Variants in INTS9 observed in about 807,000 individuals in gnomAD.
The protein encoded by INTS9 is protein related to CPSF subunits of 74 kDa.
In INTS9, 55 loss-of-function variants were observed where a neutral mutation model predicts 79.7. The ratio of observed to expected loss-of-function variants is 0.69; its 90% CI spans 0.56 to 0.86. INTS9 has a LOEUF of 0.86. Ranked by LOEUF, INTS9 falls within the 40% of genes least tolerant of loss-of-function variation. The pLI is 0.00. For synonymous variants in INTS9, 319 were observed against 325.2 expected (o/e 0.98, Z 0.20); for missense variants, 721 against 831.5 (o/e 0.87, Z 1.64).
intron 2 of INTS9, among the ~76,000 whole-genome samples, chr8:28,851,484 C>A (rs1457010143): frequency 6.6e-6 from 1 of 150,750 alleles, no homozygotes; most frequent in Non-Finnish European, 1.5e-5. Flanking sequence ...GTCGCCCAGG[C>A]TGGAGTGCAG....
intron 1 of INTS9, among the ~76,000 whole-genome samples, chr8:28,869,268 C>T (rs1373246860): frequency 6.6e-6 from 1 of 152,150 alleles, no homozygotes; most frequent in Non-Finnish European, 1.5e-5. Flanking sequence ...TGTCGAACTT[C>T]TGGGCTCCAG....
chr8:28,807,775 A>C (rs1384602798), intron 8 of INTS9, among the ~76,000 whole-genome samples: 1 of 152,234 alleles, frequency 6.6e-6, no homozygotes, highest in Non-Finnish European at 1.5e-5. Context: ...TTTAACGAAG[A>C]AACTACAAAA....
chr8:28,844,623 T>C (rs923850889), intron 4 of INTS9, among the ~76,000 whole-genome samples: 1 of 152,038 alleles, frequency 6.6e-6, no homozygotes, highest in Non-Finnish European at 1.5e-5. Flanking sequence ...GTCAGGAGTT[T>C]AAGACCAGCC....
chr8:28,840,435 T>C (rs1370108909), intron 4 of INTS9, among the ~76,000 whole-genome samples: 1 of 145,682 alleles, frequency 6.9e-6, no homozygotes, highest in Non-Finnish European at 1.5e-5. Context: ...AGCCATCCCA[T>C]TACTGGGTAT....
intron 1 of INTS9, among the ~76,000 whole-genome samples, chr8:28,878,503 G>A (rs1809513231): frequency 6.6e-6 from 1 of 150,574 alleles, no homozygotes; most frequent in Admixed American, 6.6e-5. Flanking sequence ...TTGTTTTTTT[G>A]TAGAGACAGG....
At chr8:28,864,076 C>T (rs117975474) in intron 1 of INTS9, among the ~76,000 whole-genome samples, 9,092 of 152,244 alleles carry the variant, frequency 0.06, 355 homozygotes, top group Non-Finnish European at 0.087. Flanking sequence ...GGCATGGCGG[C>T]TCATGCCTAT....
intron 6 of INTS9, among the ~76,000 whole-genome samples, chr8:28,833,636 A>C (rs1332257235): frequency 2.6e-5 from 4 of 151,108 alleles, no homozygotes; most frequent in African/African-American, 4.9e-5. Context: ...AAAAACAAAA[A>C]CAAAAACAAA....
intron 16 of INTS9, among the ~76,000 whole-genome samples, chr8:28,768,900 G>T (rs997633267): frequency 2.0e-5 from 3 of 152,228 alleles, no homozygotes; most frequent in African/African-American, 7.2e-5. Flanking sequence ...ATGGCTGCAG[G>T]CTCCCCTAGG....
At chr8:28,856,507 G>A (rs184059035) in intron 2 of INTS9, among the ~76,000 whole-genome samples, 5 of 152,012 alleles carry the variant, frequency 3.3e-5, no homozygotes, top group East Asian at 3.9e-4. Flanking sequence ...CTGCAGCCTC[G>A]ACTCTCTGGG....
chr8:28,881,311 G>A (rs1809775414), intron 1 of INTS9, among the ~76,000 whole-genome samples: 5 of 138,386 alleles, frequency 3.6e-5, no homozygotes, highest in Admixed American at 2.1e-4. Flanking sequence ...GGGGGGATCA[G>A]CCCCCCGCCT....
chr8:28,821,505 G>C (rs149191249), intron 6 of INTS9, among the ~76,000 whole-genome samples: 49 of 152,260 alleles, frequency 3.2e-4, no homozygotes, highest in Non-Finnish European at 5.7e-4. Flanking sequence ...AGATTTGGGT[G>C]GGGACGCAGG....
rs141061444 is a variant in INTS9, at chr8:28,827,090, G to A, written c.488+8202C>T. 3.1e-3 allele frequency among the ~76,000 whole-genome samples: 475 copies of A among 152,274 alleles called. 4 individuals carry two copies. The highest frequency in any genetic ancestry group is 0.011 in the African/African-American group (460 of 41,560). ...AGAGGCATTTATAGAGCCATTTAAAGCCATTAGGATTATTGGCTGATTTTG... is the reference window on the plus strand; with the variant it reads ...AGAGGCATTTATAGAGCCATTTAAAACCATTAGGATTATTGGCTGATTTTG... On this transcript the variant is annotated intron_variant, in intron 6 of 16. Transcript: ENST00000521022.
At chr8:28,815,838 C>T (rs555932480) in intron 6 of INTS9, among the ~76,000 whole-genome samples, 1 of 152,138 alleles carries the variant, frequency 6.6e-6, no homozygotes, top group South Asian at 2.1e-4. Context: ...TTACTAAATA[C>T]TATAATTGCT....
chr8:28,809,363 A>G (rs1804981700), intron 8 of INTS9, among the ~76,000 whole-genome samples: 1 of 152,242 alleles, frequency 6.6e-6, no homozygotes. Flanking sequence ...TTTAGTGCCC[A>G]GGCCACAGTT....
intron 14 of INTS9, among the ~76,000 whole-genome samples, chr8:28,771,716 C>T (rs958577385): frequency 1.3e-5 from 2 of 152,244 alleles, no homozygotes; most frequent in Admixed American, 1.3e-4. Flanking sequence ...TGCCGAGGAG[C>T]AGGGTGTGCG....
intron 3 of INTS9, among the ~76,000 whole-genome samples, chr8:28,848,488 T>G (rs1807653789): frequency 6.6e-6 from 1 of 152,204 alleles, no homozygotes; most frequent in African/African-American, 2.4e-5. Context: ...CTTAGATGAG[T>G]ACCATTTAAC....
chr8:28,773,645 G>A (rs927597823), intron 14 of INTS9, among the ~76,000 whole-genome samples: 4 of 150,582 alleles, frequency 2.7e-5, no homozygotes, highest in South Asian at 4.2e-4. Flanking sequence ...TCAGCCTCCC[G>A]AGTAGCTGCG....
chr8:28,812,907 G>T (rs107069), intron 7 of INTS9, among the ~76,000 whole-genome samples: 1 of 151,964 alleles, frequency 6.6e-6, no homozygotes, highest in Admixed American at 6.6e-5. Context: ...AAAGATGATG[G>T]AGATCAACTG....
At chr8:28,784,365 A>G (rs768667367) in intron 11 of INTS9, among the ~76,000 whole-genome samples, 21 of 152,188 alleles carry the variant, frequency 1.4e-4, no homozygotes, top group Non-Finnish European at 1.8e-4. Flanking sequence ...CCACCACAAG[A>G]TGTTTTGCCA....
Sources: allele counts gnomAD v4.1 joint callset (sites outside exome capture counted in the v4.1 genomes callset), GRCh38; gene constraint gnomAD v4.1.1; transcripts MANE v1.5; gene names NCBI Gene and HGNC (gene_info 2026-07-23, HGNC 2026-07-21).